PBX3: variants seen among roughly 807,000 people sequenced by gnomAD.
PBX3 encodes PBX homeobox 3.
Under a neutral mutation model 48.5 loss-of-function variants are expected in PBX3, and 14 were observed. That is an observed-to-expected ratio of 0.29 (90% confidence interval 0.19 to 0.45). The LOEUF (loss-of-function observed/expected upper bound fraction) is 0.45, where lower values mean the gene tolerates loss of function less well. Among genes scored for constraint, PBX3 ranks in the 20% least tolerant of loss-of-function variants. PBX3 has a pLI of 1.00. For synonymous variants in PBX3, 210 were observed against 200.3 expected (o/e 1.05, Z -0.41); for missense variants, 386 against 546.7 (o/e 0.71, Z 2.93).
At chr9:125,952,513 A>G (rs890828087) in intron 5 of PBX3, among the ~76,000 whole-genome samples, 2 of 152,264 alleles carry the variant, frequency 1.3e-5, no homozygotes, top group South Asian at 2.1e-4. Context: ...TAGAGACATT[A>G]TAGATGGTTT....
chr9:125,872,724 C>T (rs1840155693), intron 2 of PBX3, among the ~76,000 whole-genome samples: 1 of 151,664 alleles, frequency 6.6e-6, no homozygotes, highest in Admixed American at 6.6e-5. Flanking sequence ...CATGCCACTG[C>T]ACTCCAGCCT....
intron 2 of PBX3, among the ~76,000 whole-genome samples, chr9:125,828,797 T>G (rs1056310101): frequency 1.3e-5 from 2 of 152,230 alleles, no homozygotes; most frequent in African/African-American, 4.8e-5. Flanking sequence ...CTAAACGTCG[T>G]TTGACAGATT....
intron 2 of PBX3, among the ~76,000 whole-genome samples, chr9:125,907,771 A>G (rs1261859221): frequency 7.2e-5 from 11 of 152,128 alleles, no homozygotes; most frequent in East Asian, 1.9e-4. Flanking sequence ...TTCTCTAGGT[A>G]TCTGAGGTGT....
intron 2 of PBX3, among the ~76,000 whole-genome samples, chr9:125,899,427 C>CTA (rs1226945816): frequency 1.8e-5 from 2 of 110,636 alleles, no homozygotes; most frequent in Non-Finnish European, 3.7e-5. Context: ...ATATGTATGT[C>CTA]TATATATATG....
intron 2 of PBX3, among the ~76,000 whole-genome samples, chr9:125,856,329 G>A (rs1159171598): frequency 1.3e-5 from 2 of 152,122 alleles, no homozygotes; most frequent in Non-Finnish European, 2.9e-5. Flanking sequence ...TGCTTTCTGC[G>A]CTGCTTTATT....
intron 5 of PBX3, chr9:125,949,575 T>A: frequency 7.8e-7 from 1 of 1,286,096 alleles, no homozygotes; most frequent in Non-Finnish European, 1.0e-6. Context: ...ATGAGATTCA[T>A]TTTTGATGAG....
rs566352134 is a variant in PBX3, at chr9:125,956,228, TC to T, written c.844-4454del. 3.3e-5 allele frequency among the ~76,000 whole-genome samples: 5 copies of T among 152,290 alleles called. No homozygotes were observed. In the East Asian group the frequency reaches 9.6e-4, roughly 29 times the overall value. ...ACACTAAAATAACTAAAACAATCTG[TC>T]CAAAGTCACTCAGCTTAGTAAATAG... On this transcript the variant is annotated intron_variant, in intron 5 of 8. Transcript: ENST00000373489.
At chr9:125,827,488 ATACGTGTATT>A (rs1226874875) in intron 2 of PBX3, among the ~76,000 whole-genome samples, 1 of 152,124 alleles carries the variant, frequency 6.6e-6, no homozygotes, top group African/African-American at 2.4e-5. Context: ...TTTACTACAC[ATACGTGTATT>A]TACAAATAAT....
intron 2 of PBX3, among the ~76,000 whole-genome samples, chr9:125,894,042 T>C (rs1239173709): frequency 6.6e-6 from 1 of 152,158 alleles, no homozygotes; most frequent in Admixed American, 6.5e-5. Flanking sequence ...TATATCACCA[T>C]GGCTACATAT....
Position 125,753,266 on chromosome 9 carries a change from TCTTAA to T in PBX3, c.274+4649_274+4653del, listed in dbSNP as rs985209741. On this transcript the variant is annotated intron_variant, in intron 2 of 8. Coordinates refer to ENST00000373489, the MANE Select transcript of PBX3 (RefSeq NM_006195.6). ...TTATATTGCTTTATCAATATATTTT[TCTTAA>T]CTTAATATTTTACCTTTTTTTTTTT... Among the ~76,000 whole-genome samples, 31 of 147,806 alleles carry T rather than the reference TCTTAA, an allele frequency of 2.1e-4. No individual in the cohort carries two copies. The East Asian group carries it at 5.2e-3, about 25-fold the overall frequency.
At chr9:125,899,276 TATGTATATATATTTATATATAAATATAC>T (rs1564163226) in intron 2 of PBX3, among the ~76,000 whole-genome samples, 1 of 115,432 alleles carries the variant, frequency 8.7e-6, no homozygotes, top group Non-Finnish European at 1.7e-5. Flanking sequence ...TAAATATACA[TATGTATATATATTTATATATAAATATAC>T]ATATATGTAT....
chr9:125,851,949 G>T (rs1001342564), intron 2 of PBX3, among the ~76,000 whole-genome samples: 1 of 144,764 alleles, frequency 6.9e-6, no homozygotes, highest in Non-Finnish European at 1.5e-5. Flanking sequence ...GTCTTTTTGT[G>T]TATGTCTCTG....
chr9:125,964,983 T>A (rs1201875132), intron 8 of PBX3, among the ~76,000 whole-genome samples: 1 of 152,120 alleles, frequency 6.6e-6, no homozygotes, highest in Admixed American at 6.5e-5. Flanking sequence ...CACCCTCACC[T>A]CCTCTCCAGA....
At chr9:125,857,995 C>T (rs1839766323) in intron 2 of PBX3, among the ~76,000 whole-genome samples, 1 of 152,174 alleles carries the variant, frequency 6.6e-6, no homozygotes, top group African/African-American at 2.4e-5. Flanking sequence ...AGAATATTTT[C>T]ACCTAAAAGA....
chr9:125,866,150 A>G (rs1286218123), intron 2 of PBX3, among the ~76,000 whole-genome samples: 1 of 152,192 alleles, frequency 6.6e-6, no homozygotes, highest in Non-Finnish European at 1.5e-5. Flanking sequence ...AATTTTCAAA[A>G]GTGAGTTAAC....
rs1275165333 is a variant in PBX3, at chr9:125,966,310, C to T, written c.*387C>T. The T allele has an allele frequency of 6.4e-6, 1 of 156,028 alleles. No homozygotes were observed. Among genetic ancestry groups the T allele is most frequent in the Non-Finnish European group, 1.4e-5 (1 of 70,338 alleles). The allele number at this position is 156,028 out of a possible 1,614,324, so 9.7% of individuals were successfully genotyped here. A position where few individuals can be genotyped will look rare whatever the true frequency, so the allele number is the denominator to read the frequency against. ...AAAGCAGATGCAAAAATTCACCTCA[C>T]CTAAATTGAACTTCTTGCATATTTC... On this transcript the variant is annotated 3_prime_UTR_variant, in exon 9 of 9. Coordinates refer to ENST00000373489, the MANE Select transcript of PBX3 (RefSeq NM_006195.6).
chr9:125,807,452 C>T (rs1230043420), intron 2 of PBX3, among the ~76,000 whole-genome samples: 2 of 152,170 alleles, frequency 1.3e-5, no homozygotes, highest in African/African-American at 4.8e-5. Flanking sequence ...AGCATGAGCA[C>T]TCTGGTAGAG....
In PBX3 at chr9:125,899,454, T is replaced by TAGAG. The variant is rs202004098; in HGVS notation, c.275-16201_275-16198dup. On this transcript the variant is annotated intron_variant, in intron 2 of 8. Transcript: ENST00000373489. The stretch of plus-strand genomic sequence containing the variant: ...ATATATATGTGTGTATATATATATA[T>TAGAG]AGAGAGAGAGAGAGAGAGAGAGAGA... Among the ~76,000 whole-genome samples, 394 of 103,752 alleles carry TAGAG rather than the reference T, an allele frequency of 3.8e-3. 18 individuals carry two copies. Among genetic ancestry groups the TAGAG allele is most frequent in the Middle Eastern group, 5.0e-3 (1 of 202 alleles). 68.1% of individuals were successfully genotyped at this position (103,752 alleles called of 152,430 possible). A position where few individuals can be genotyped will look rare whatever the true frequency, so the allele number is the denominator to read the frequency against.
intron 6 of PBX3, 91 bp downstream of exon 6, chr9:125,960,940 AG>A: frequency 2.1e-6 from 1 of 478,440 alleles, no homozygotes; most frequent in Non-Finnish European, 3.5e-6. Flanking sequence ...AGCCATACTG[AG>A]GACAGAGTGG....
Sources: allele counts gnomAD v4.1 joint callset (sites outside exome capture counted in the v4.1 genomes callset), GRCh38; gene constraint gnomAD v4.1.1; transcripts MANE v1.5; gene names NCBI Gene and HGNC (gene_info 2026-07-23, HGNC 2026-07-21).